SYTL5: variants seen among roughly 807,000 people sequenced by gnomAD.
The protein encoded by SYTL5 is synaptotagmin-like protein 5.
A neutral mutation model predicts 55.9 loss-of-function variants in SYTL5; 34 were observed. The ratio of observed to expected loss-of-function variants is 0.61; its 90% CI spans 0.46 to 0.81. SYTL5 has a LOEUF of 0.81. SYTL5 is among the 30% of genes least tolerant of loss of function. The pLI is 0.00. For synonymous variants in SYTL5, 221 were observed against 188.7 expected (o/e 1.17, Z -1.40); for missense variants, 637 against 546.7 (o/e 1.17, Z -1.65).
intron 1 of SYTL5, among the ~76,000 whole-genome samples, chrX:38,016,866 C>A: frequency 8.9e-6 from 1 of 112,226 alleles, no homozygotes; most frequent in Non-Finnish European, 1.9e-5. Context: ...CCAACACTAA[C>A]TCACTTTGAA....
the SYTL5 span, among the ~76,000 whole-genome samples, chrX:37,921,984 G>A: frequency 1.8e-5 from 2 of 111,988 alleles, no homozygotes; most frequent in South Asian, 3.7e-4. Flanking sequence ...TTTTATGACC[G>A]TTGCTTGTTT....
At chrX:37,906,846 G>T in the SYTL5 span, among the ~76,000 whole-genome samples, 1 of 111,803 alleles carries the variant, frequency 8.9e-6, no homozygotes, top group East Asian at 2.8e-4. Flanking sequence ...AACCAGTGAG[G>T]ACCTATTCTG....
At position 38,128,243 on chromosome X, in the gene SYTL5, A is replaced by G. The variant is rs753024502; in HGVS notation, c.*1513A>G. On this transcript the variant is annotated 3_prime_UTR_variant, in exon 17 of 17. Transcript: ENST00000297875. The stretch of plus-strand genomic sequence containing the variant: ...CCAAGGCCATATAGAGGCTGTGACT[A>G]AATCTGGACTTAAATCCAGACTATC... 4.4e-5 allele frequency: 5 copies of G among 112,475 alleles called. No homozygotes were observed. The highest frequency in any genetic ancestry group is 4.6e-3 in the Middle Eastern group (1 of 216). 9.3% of individuals were successfully genotyped at this position (112,475 alleles called of 1,213,427 possible).
At chrX:38,066,701 A>T (rs979671548) in intron 3 of SYTL5, among the ~76,000 whole-genome samples, 3 of 111,385 alleles carry the variant, frequency 2.7e-5, no homozygotes, top group Admixed American at 9.6e-5. Context: ...ATGCAATGCT[A>T]TGTTTGTTAT....
chrX:38,073,877 T>C lies in SYTL5; in HGVS notation c.554+179T>C, dbSNP rs6611058. Among the ~76,000 whole-genome samples, 5,406 of 111,725 alleles carry C rather than the reference T, an allele frequency of 0.048. 512 individuals carry two copies. In the East Asian group the frequency reaches 0.58, roughly 12 times the overall value. ...GAAATGCAGTTTTAATAATTTTCAA[T>C]AAGTAAATAAAAGTCCTGTCTGACC... On this transcript the variant is annotated intron_variant, in intron 5 of 16. Coordinates refer to ENST00000297875, the MANE Select transcript of SYTL5 (RefSeq NM_138780.3).
the SYTL5 span, among the ~76,000 whole-genome samples, chrX:37,919,240 T>C: frequency 6.3e-5 from 7 of 111,277 alleles, no homozygotes; most frequent in African/African-American, 2.3e-4. Flanking sequence ...CTGATATTAA[T>C]GACTAGGGGT....
chrX:37,938,850 G>T, the SYTL5 span, among the ~76,000 whole-genome samples: 2 of 112,064 alleles, frequency 1.8e-5, no homozygotes, highest in Non-Finnish European at 3.8e-5. Flanking sequence ...TCTGGCAATT[G>T]TTCTTTCATC....
chrX:38,112,599 A>G (rs1390205209), intron 13 of SYTL5, among the ~76,000 whole-genome samples: 1 of 112,379 alleles, frequency 8.9e-6, no homozygotes. Context: ...TCTGTTCTAT[A>G]TAGAAGAAAA....
chrX:38,104,911 G>A (rs5917533), intron 10 of SYTL5, among the ~76,000 whole-genome samples: 27,208 of 111,157 alleles, frequency 0.24, 3,065 homozygotes, highest in African/African-American at 0.43. Flanking sequence ...CTAAAACCTC[G>A]CGTAGTACCA....
the SYTL5 span, among the ~76,000 whole-genome samples, chrX:37,952,773 AT>A: frequency 4.5e-5 from 5 of 111,420 alleles, no homozygotes; most frequent in East Asian, 1.1e-3. Flanking sequence ...AAGAGAGAAA[AT>A]GATAGATTCA....
intron 15 of SYTL5, 81 bp from the exon 16 acceptor site, chrX:38,125,217 A>G (rs375675265): frequency 1.2e-6 from 1 of 842,010 alleles, no homozygotes; most frequent in East Asian, 3.3e-5. Context: ...GGAAAATCAA[A>G]TAGACACATC....
At chrX:37,949,978 T>A in the SYTL5 span, among the ~76,000 whole-genome samples, 3 of 111,811 alleles carry the variant, frequency 2.7e-5, no homozygotes, top group Non-Finnish European at 5.7e-5. Context: ...AAAGAATACC[T>A]GTTGCAAAAA....
intron 6 of SYTL5, among the ~76,000 whole-genome samples, chrX:38,079,111 A>C (rs889601930): frequency 1.8e-5 from 2 of 111,881 alleles, no homozygotes; most frequent in African/African-American, 6.5e-5. Context: ...GGCAGGAGGT[A>C]GCCCATCTTT....
At chrX:38,055,647 A>G (rs141064815) in intron 3 of SYTL5, among the ~76,000 whole-genome samples, 27 of 112,213 alleles carry the variant, frequency 2.4e-4, no homozygotes, top group African/African-American at 7.8e-4. Context: ...ATAGTGAGAT[A>G]GTAGAAGTGA....
intron 2 of SYTL5, among the ~76,000 whole-genome samples, chrX:38,052,432 T>G (rs1935648859): frequency 8.9e-6 from 1 of 112,040 alleles, no homozygotes; most frequent in African/African-American, 3.2e-5. Context: ...GTTGGATGAA[T>G]GAGTGAGACA....
At chrX:37,936,523 T>C in the SYTL5 span, among the ~76,000 whole-genome samples, 1 of 111,809 alleles carries the variant, frequency 8.9e-6, no homozygotes, top group African/African-American at 3.3e-5. Context: ...CTTTTCATCT[T>C]TTATATATAA....
At chrX:38,066,539 C>G (rs1936105634) in intron 3 of SYTL5, among the ~76,000 whole-genome samples, 1 of 111,543 alleles carries the variant, frequency 9.0e-6, no homozygotes, top group African/African-American at 3.3e-5. Flanking sequence ...TTTTCAAATA[C>G]TAGATTGACA....
chrX:37,958,564 A>G, the SYTL5 span, among the ~76,000 whole-genome samples: 31,331 of 110,767 alleles, frequency 0.28, 3,661 homozygotes, highest in East Asian at 0.6. Flanking sequence ...GAACCATAGC[A>G]TTCTGCCCCT....
intron 2 of SYTL5, among the ~76,000 whole-genome samples, chrX:38,040,047 C>T (rs1433598621): frequency 3.6e-5 from 4 of 109,991 alleles, no homozygotes; most frequent in African/African-American, 6.6e-5. Context: ...TGGTGGCATG[C>T]GCCTGTAGTC....
Sources: gnomAD v4.1 joint callset for allele counts (sites outside exome capture counted in the v4.1 genomes callset) on GRCh38, gnomAD v4.1.1 for gene constraint, MANE v1.5 for transcripts, NCBI Gene and HGNC (gene_info 2026-07-23, HGNC 2026-07-21) for gene names.